FAM171A1: variants seen among roughly 807,000 people sequenced by gnomAD.
The protein encoded by FAM171A1 is family with sequence similarity 171 member A1.
FAM171A1 carries 23 observed loss-of-function variants against 74.9 expected under a neutral mutation model. That is an observed-to-expected ratio of 0.31 (90% confidence interval 0.22 to 0.44). The LOEUF is 0.44. FAM171A1 is among the 20% of genes least tolerant of loss of function. The probability of loss-of-function intolerance (pLI) is 1.00; values close to 1 mark genes in which losing one functional copy is unlikely to be tolerated. For synonymous variants in FAM171A1, 527 were observed against 505.7 expected (o/e 1.04, Z -0.57); for missense variants, 1,162 against 1,159.2 (o/e 1.00, Z -0.03).
chr10:15,294,363 C>T (rs536074248), intron 1 of FAM171A1, among the ~76,000 whole-genome samples: 2 of 152,292 alleles, frequency 1.3e-5, no homozygotes, highest in East Asian at 3.9e-4. Context: ...TTCTGTCTGC[C>T]TGCCCAAGGT....
chr10:15,267,829 G>A (rs950635127), intron 3 of FAM171A1, among the ~76,000 whole-genome samples: 1 of 151,760 alleles, frequency 6.6e-6, no homozygotes, highest in Non-Finnish European at 1.5e-5. Flanking sequence ...AGCCACGACG[G>A]ACGAAGTGTG....
chr10:15,369,139 C>T (rs1453055994), intron 1 of FAM171A1, among the ~76,000 whole-genome samples: 5 of 151,650 alleles, frequency 3.3e-5, no homozygotes, highest in Non-Finnish European at 7.4e-5. Flanking sequence ...TATTCCATTC[C>T]TGAGAGGCGG....
At chr10:15,219,178 A>G (rs890174133) in intron 6 of FAM171A1, among the ~76,000 whole-genome samples, 4 of 152,110 alleles carry the variant, frequency 2.6e-5, no homozygotes, top group African/African-American at 9.7e-5. Context: ...GCTACTCTGG[A>G]GTCTGAGGCA....
chr10:15,289,354 G>C (rs181565438), intron 1 of FAM171A1, among the ~76,000 whole-genome samples: 1 of 152,138 alleles, frequency 6.6e-6, no homozygotes, highest in East Asian at 1.9e-4. Flanking sequence ...TGCTCAGTGA[G>C]TACTGAGGAC....
chr10:15,309,451 TC>T (rs895378161), intron 1 of FAM171A1, among the ~76,000 whole-genome samples: 2 of 152,258 alleles, frequency 1.3e-5, no homozygotes, highest in African/African-American at 4.8e-5. Context: ...CACGCAATCC[TC>T]CCGCCTTGGC....
At chr10:15,260,822 C>T (rs1834646303) in intron 3 of FAM171A1, among the ~76,000 whole-genome samples, 1 of 152,176 alleles carries the variant, frequency 6.6e-6, no homozygotes. Context: ...CCTCTACCCA[C>T]TAGATGTCTG....
chr10:15,346,150 G>T (rs749755209), intron 1 of FAM171A1, among the ~76,000 whole-genome samples: 1 of 152,176 alleles, frequency 6.6e-6, no homozygotes, highest in Non-Finnish European at 1.5e-5. Context: ...ACCTAGGCTG[G>T]AATGCAGTGA....
At chr10:15,274,916 G>A (rs1390216572) in intron 3 of FAM171A1, among the ~76,000 whole-genome samples, 5 of 152,156 alleles carry the variant, frequency 3.3e-5, no homozygotes, top group African/African-American at 1.2e-4. Context: ...GGAATACTAT[G>A]CAGCCATAAA....
intron 1 of FAM171A1, among the ~76,000 whole-genome samples, chr10:15,357,785 T>C (rs1053302251): frequency 6.6e-6 from 1 of 152,192 alleles, no homozygotes; most frequent in Non-Finnish European, 1.5e-5. Context: ...AAGGCAAGCA[T>C]AATAAAATGT....
Position 15,342,047 on chromosome 10 carries a change from T to C in FAM171A1, c.97+28909A>G, listed in dbSNP as rs117593550. The stretch of plus-strand genomic sequence containing the variant: ...CTGCAGCAGGACCCAGGAATCCACA[T>C]CTTTAACTAGCAACCCAGGACCTGG... On this transcript the variant is annotated intron_variant, in intron 1 of 7. Coordinates refer to ENST00000378116, the MANE Select transcript of FAM171A1 (RefSeq NM_001010924.2). Among the ~76,000 whole-genome samples, 6 of 152,328 alleles carry C rather than the reference T, an allele frequency of 3.9e-5. No individual in the cohort carries two copies. The East Asian group carries it at 1.2e-3, about 29-fold the overall frequency.
In FAM171A1 at chr10:15,251,901, G is replaced by A. The variant is rs78583821; in HGVS notation, c.577+2820C>T. ...GGTGTCAGGCAAATGCAGCAGGATCGTGTTGCGGGGCAGAACACCACTGGC... is the reference window on the plus strand; with the variant it reads ...GGTGTCAGGCAAATGCAGCAGGATCATGTTGCGGGGCAGAACACCACTGGC... On this transcript the variant is annotated intron_variant, in intron 4 of 7. Transcript: ENST00000378116. Among the ~76,000 whole-genome samples, 58 of 152,246 alleles carry A rather than the reference G, an allele frequency of 3.8e-4. No homozygotes were observed. The East Asian group carries it at 7.7e-3, about 20-fold the overall frequency.
chr10:15,260,235 A>T (rs1291031087), intron 3 of FAM171A1, among the ~76,000 whole-genome samples: 1 of 152,108 alleles, frequency 6.6e-6, no homozygotes, highest in African/African-American at 2.4e-5. Context: ...TAGTCTGTTA[A>T]TCCCACCCTA....
chr10:15,301,560 T>A (rs961603070), intron 1 of FAM171A1, among the ~76,000 whole-genome samples: 1 of 152,054 alleles, frequency 6.6e-6, no homozygotes, highest in African/African-American at 2.4e-5. Flanking sequence ...TGTCTCCCTC[T>A]AGAGCAAAGA....
At chr10:15,242,268 T>A (rs185802977) in intron 5 of FAM171A1, among the ~76,000 whole-genome samples, 1 of 152,308 alleles carries the variant, frequency 6.6e-6, no homozygotes, top group Admixed American at 6.5e-5. Flanking sequence ...ATTAATGTAA[T>A]AGCAACAAAA....
intron 3 of FAM171A1, among the ~76,000 whole-genome samples, chr10:15,264,272 G>C (rs1403084940): frequency 6.6e-6 from 1 of 152,176 alleles, no homozygotes; most frequent in Non-Finnish European, 1.5e-5. Context: ...GTGAGCCACT[G>C]TGCCTGGCCC....
At chr10:15,362,223 G>C (rs1414404971) in intron 1 of FAM171A1, among the ~76,000 whole-genome samples, 1 of 152,202 alleles carries the variant, frequency 6.6e-6, no homozygotes, top group Non-Finnish European at 1.5e-5. Flanking sequence ...GATTCCCAGT[G>C]ACGATGAAAA....
rs1190680544 is a variant in FAM171A1 at position 15,214,269 on chromosome 10, C to A, written c.1319G>T (p.Ser440Ile). 6.2e-7 allele frequency: 1 copy of A among 1,614,008 alleles called. No individual in the cohort carries two copies. Among genetic ancestry groups the A allele is most frequent in the South Asian group, 1.1e-5 (1 of 91,062 alleles). ...ELLSCKEEDK[S>I]QISFDNLTPS... The stretch of plus-strand genomic sequence containing the variant: ...AGTGAGGTTATCAAAGGAGATCTGG[C>A]TTTTATCCTCTTCCTTGCAAGAGAG... The change falls in exon 8 of 8, where the codon AGC (serine) becomes ATC (isoleucine). Residue 440 changes from serine to isoleucine, a missense_variant. By Grantham distance (142) the Ser-to-Ile change is moderately radical (BLOSUM62 -2). Transcript: ENST00000378116.
chr10:15,326,291 G>C (rs1429490240), intron 1 of FAM171A1, among the ~76,000 whole-genome samples: 1 of 151,978 alleles, frequency 6.6e-6, no homozygotes, highest in African/African-American at 2.4e-5. Flanking sequence ...TTGGTGAGAG[G>C]AAGAGTTTCC....
At chr10:15,359,817 G>A (rs1249051826) in intron 1 of FAM171A1, among the ~76,000 whole-genome samples, 1 of 152,212 alleles carries the variant, frequency 6.6e-6, no homozygotes, top group Non-Finnish European at 1.5e-5. Flanking sequence ...GACAAGGAAT[G>A]CAGGTGGCCT....
Sources: allele counts gnomAD v4.1 joint callset (sites outside exome capture counted in the v4.1 genomes callset), GRCh38; gene constraint gnomAD v4.1.1; transcripts MANE v1.5; gene names NCBI Gene and HGNC (gene_info 2026-07-23, HGNC 2026-07-21).